WNT7A: variants seen among roughly 807,000 people sequenced by gnomAD.
The protein encoded by WNT7A is Wnt family member 7A, also known as protein Wnt-7a.
WNT7A carries 16 observed loss-of-function variants against 28.2 expected under a neutral mutation model. That is an observed-to-expected ratio of 0.57 (90% CI 0.38 to 0.86). The LOEUF (loss-of-function observed/expected upper bound fraction) is 0.86, where lower values mean the gene tolerates loss of function less well. Among genes scored for constraint, WNT7A ranks in the 40% least tolerant of loss-of-function variants. The probability of loss-of-function intolerance (pLI) is 0.00; values close to 1 mark genes in which losing one functional copy is unlikely to be tolerated. For missense variants in WNT7A, 411 were observed against 489.7 expected, an observed-to-expected ratio of 0.84 and a Z score of 1.52; for synonymous variants, 190 against 195.9, an observed-to-expected ratio of 0.97 and a Z score of 0.25.
At chr3:13,840,628 C>T (rs1207896012) in intron 3 of WNT7A, among the ~76,000 whole-genome samples, 2 of 148,206 alleles carry the variant, frequency 1.3e-5, no homozygotes, top group African/African-American at 5.1e-5. Flanking sequence ...ATCCATCCAT[C>T]CACCCATTCA....
intron 3 of WNT7A, among the ~76,000 whole-genome samples, chr3:13,848,671 G>C (rs568822870): frequency 1.3e-4 from 20 of 152,262 alleles, no homozygotes; most frequent in Non-Finnish European, 2.6e-4. Flanking sequence ...CCACAAAATG[G>C]AAAATGGTTT....
rs772621994 is a variant in WNT7A, at chr3:13,875,133, A to G, written c.112T>C (p.Cys38Arg). ...GGAGCCAGGCCTGGGATCTTGTTAC[A>G]GATGATGCTTGCGCCCAGAGCTACC... ...SVVALGASII[C>R]NKIPGLAPRQ... The change falls in exon 2 of 4, where the codon TGT (cysteine) becomes CGT (arginine). Residue 38 changes from cysteine to arginine, a missense_variant. By Grantham distance (180) the Cys-to-Arg change is radical. Transcript: ENST00000285018. 6.2e-7 allele frequency: 1 copy of G among 1,614,184 alleles called. No homozygotes were observed. Among genetic ancestry groups the G allele is most frequent in the South Asian group, 1.1e-5 (1 of 91,086 alleles).
chr3:13,877,154 T>A (rs1014435494), intron 1 of WNT7A: 1 of 152,268 alleles, frequency 6.6e-6, no homozygotes, highest in African/African-American at 2.4e-5. Context: ...ACTTGGGCAG[T>A]GTCCCTACTA....
At position 13,852,096 on chromosome 3, in the gene WNT7A, C is replaced by T. The variant is rs139797807; in HGVS notation, c.570+2436G>A. Among the ~76,000 whole-genome samples, 28 of 152,320 alleles carry T rather than the reference C, an allele frequency of 1.8e-4. No individual in the cohort carries two copies. In the East Asian group the frequency reaches 4.4e-3, roughly 24 times the overall value. On this transcript the variant is annotated intron_variant, in intron 3 of 3. Coordinates refer to ENST00000285018, the MANE Select transcript of WNT7A (RefSeq NM_004625.4). ...AAACTGGGGACCTGTGAGGGCAGGA[C>T]GCCCCTGCAGCATTTATTCTCCTTC...
chr3:13,837,409 G>A (rs765204207), intron 3 of WNT7A, among the ~76,000 whole-genome samples: 71 of 151,140 alleles, frequency 4.7e-4, no homozygotes, highest in Admixed American at 1.1e-3. Context: ...ACTTTGGGAT[G>A]ACTTGCTTGC....
chr3:13,833,203 C>G (rs922399552), intron 3 of WNT7A, among the ~76,000 whole-genome samples: 1 of 152,162 alleles, frequency 6.6e-6, no homozygotes, highest in Non-Finnish European at 1.5e-5. Flanking sequence ...TCAGCACACT[C>G]AAAGCACACA....
chr3:13,826,839 G>A (rs992526093), intron 3 of WNT7A, among the ~76,000 whole-genome samples: 3 of 152,198 alleles, frequency 2.0e-5, no homozygotes, highest in South Asian at 2.1e-4. Context: ...TGAGCTAGGA[G>A]GCTACTGAAA....
At chr3:13,866,051 A>G (rs796411503) in intron 2 of WNT7A, among the ~76,000 whole-genome samples, 18 of 152,312 alleles carry the variant, frequency 1.2e-4, no homozygotes, top group African/African-American at 3.8e-4. Context: ...CTGCATATGC[A>G]GGATATGACA....
At chr3:13,865,004 G>T (rs1365684542) in intron 2 of WNT7A, among the ~76,000 whole-genome samples, 1 of 152,202 alleles carries the variant, frequency 6.6e-6, no homozygotes, top group East Asian at 1.9e-4. Flanking sequence ...GAAATTGGTG[G>T]TGGGTGGATA....
At chr3:13,832,016 C>T (rs935573669) in intron 3 of WNT7A, among the ~76,000 whole-genome samples, 2 of 151,976 alleles carry the variant, frequency 1.3e-5, no homozygotes, top group South Asian at 2.1e-4. Flanking sequence ...GTGTGGATAC[C>T]CACACCAGGA....
intron 3 of WNT7A, 117 bp from the exon 4 acceptor site, chr3:13,819,540 T>G: frequency 7.3e-7 from 1 of 1,373,136 alleles, no homozygotes; most frequent in Non-Finnish European, 9.5e-7. Context: ...CTGGCTTTAG[T>G]TTTTTCTTTC....
chr3:13,865,788 C>T, intron 2 of WNT7A, among the ~76,000 whole-genome samples: 1 of 152,174 alleles, frequency 6.6e-6, no homozygotes, highest in Admixed American at 6.5e-5. Context: ...CTACTGTGTG[C>T]CAGGCCCCAG....
intron 3 of WNT7A, among the ~76,000 whole-genome samples, chr3:13,823,848 C>T (rs1484274293): frequency 2.0e-5 from 3 of 152,122 alleles, no homozygotes; most frequent in East Asian, 1.9e-4. Flanking sequence ...GGGAGTTATT[C>T]CCCCTGGTTG....
intron 3 of WNT7A, among the ~76,000 whole-genome samples, chr3:13,851,825 C>T (rs186552721): frequency 2.0e-5 from 3 of 152,314 alleles, no homozygotes; most frequent in Admixed American, 6.5e-5. Context: ...ATGTGAACTT[C>T]GTATTCTGGG....
At chr3:13,820,054 T>G (rs916034108) in intron 3 of WNT7A, among the ~76,000 whole-genome samples, 4 of 152,182 alleles carry the variant, frequency 2.6e-5, no homozygotes, top group African/African-American at 4.8e-5. Flanking sequence ...CCTTCCTTCC[T>G]CCCTCCACCC....
At chr3:13,866,133 G>T (rs1007476222) in intron 2 of WNT7A, among the ~76,000 whole-genome samples, 6 of 152,194 alleles carry the variant, frequency 3.9e-5, no homozygotes, top group Admixed American at 2.6e-4. Context: ...AGAGGAGTTG[G>T]GGCAGGGGGC....
At chr3:13,850,447 G>C (rs1202524583) in intron 3 of WNT7A, among the ~76,000 whole-genome samples, 1 of 152,192 alleles carries the variant, frequency 6.6e-6, no homozygotes, top group Non-Finnish European at 1.5e-5. Context: ...CGGACCAGAC[G>C]GGGCAGGGCA....
intron 2 of WNT7A, among the ~76,000 whole-genome samples, chr3:13,869,312 AGAGG>A (rs1445460754): frequency 5.0e-5 from 7 of 139,200 alleles, no homozygotes; most frequent in East Asian, 2.5e-4. Flanking sequence ...GAAGAGGGAA[AGAGG>A]GAGGGAGGGA....
chr3:13,873,829 G>A (rs1296886495), intron 2 of WNT7A, among the ~76,000 whole-genome samples: 1 of 152,196 alleles, frequency 6.6e-6, no homozygotes, highest in Non-Finnish European at 1.5e-5. Context: ...CTGGTGTCCA[G>A]TGTGGTGTGT....
Sources: gnomAD v4.1 joint callset for allele counts (sites outside exome capture counted in the v4.1 genomes callset) on GRCh38, gnomAD v4.1.1 for gene constraint, MANE v1.5 for transcripts, NCBI Gene and HGNC (gene_info 2026-07-23, HGNC 2026-07-21) for gene names.